The following MARCHF8 variants were observed in gnomAD, a reference collection of about 807,000 sequenced individuals.
MARCHF8 encodes E3 ubiquitin-protein ligase MARCHF8.
Under a neutral mutation model 51.6 loss-of-function variants are expected in MARCHF8, and 40 were observed. That is an observed-to-expected ratio of 0.77 (90% CI 0.60 to 1.01). The LOEUF (loss-of-function observed/expected upper bound fraction) is 1.01, where lower values mean the gene tolerates loss of function less well. Ranked by LOEUF, MARCHF8 falls within the 50% of genes least tolerant of loss-of-function variation. The pLI, the probability that MARCHF8 is intolerant of heterozygous loss-of-function variation, is 0.00. For missense variants in MARCHF8, 685 were observed against 708.6 expected (o/e 0.97, Z 0.38); for synonymous variants, 263 against 280.3 (o/e 0.94, Z 0.62).
intron 3 of MARCHF8, among the ~76,000 whole-genome samples, chr10:45,479,934 A>G (rs1359308504): frequency 6.6e-6 from 1 of 152,212 alleles, no homozygotes; most frequent in Non-Finnish European, 1.5e-5. Flanking sequence ...AGAAGAAGAC[A>G]GGAAAATGTG....
intron 2 of MARCHF8, among the ~76,000 whole-genome samples, chr10:45,502,954 T>C (rs2043308113): frequency 6.6e-6 from 1 of 152,068 alleles, no homozygotes; most frequent in Non-Finnish European, 1.5e-5. Context: ...AATAATACAT[T>C]CTATGAGGGG....
In MARCHF8 at chr10:45,582,573, G is replaced by A. The variant is rs138906323; in HGVS notation, c.-79+11662C>T. Among the ~76,000 whole-genome samples, 914 of 152,312 alleles carry A rather than the reference G, an allele frequency of 6.0e-3. 10 individuals are homozygous for A. Among genetic ancestry groups the A allele is most frequent in the African/African-American group, 0.021 (857 of 41,562 alleles). On this transcript the variant is annotated intron_variant, in intron 1 of 6. Transcript: ENST00000319836. ...CAAACCCAATCCCATTTTTATAAAT[G>A]AGTAAACAAGGCAGAGAGAGGTGAG...
Position 45,533,248 on chromosome 10 carries a change from G to C in MARCHF8, c.-37C>G, listed in dbSNP as rs774055028. On this transcript the variant is annotated 5_prime_UTR_variant, in exon 2 of 8. Coordinates refer to ENST00000453424, the MANE Select transcript of MARCHF8 (RefSeq NM_001282866.2). ...ATCTGGTCGTCTTCTTCACAGAAGA[G>C]AGTCTCCACTGGTAGAGTCATTTTG... 1.6e-5 allele frequency: 25 copies of C among 1,582,620 alleles called. No homozygotes were observed. Among genetic ancestry groups the C allele is most frequent in the Non-Finnish European group, 2.1e-5 (25 of 1,169,204 alleles).
intron 2 of MARCHF8, among the ~76,000 whole-genome samples, chr10:45,519,464 T>C (rs925246827): frequency 6.6e-6 from 1 of 152,206 alleles, no homozygotes; most frequent in African/African-American, 2.4e-5. Context: ...CAGCAAACTT[T>C]TTCTGTAAAG....
intron 3 of MARCHF8, among the ~76,000 whole-genome samples, chr10:45,485,742 GAAGCATA>G (rs1451885307): frequency 6.6e-6 from 1 of 152,212 alleles, no homozygotes; most frequent in African/African-American, 2.4e-5. Flanking sequence ...GTGAACTGCA[GAAGCATA>G]AAGCAGACTG....
At chr10:45,556,057 T>C (rs960457529) in intron 1 of MARCHF8, among the ~76,000 whole-genome samples, 4 of 152,156 alleles carry the variant, frequency 2.6e-5, no homozygotes, top group African/African-American at 9.7e-5. Flanking sequence ...GAATAAGTGG[T>C]CACTACTGTT....
intron 1 of MARCHF8, among the ~76,000 whole-genome samples, chr10:45,564,931 C>T (rs188135967): frequency 2.2e-4 from 13 of 59,412 alleles, no homozygotes; most frequent in Admixed American, 3.8e-4. Flanking sequence ...GTCTGATAAA[C>T]AAAAACTAAG....
At chr10:45,476,748 A>C (rs1326406214) in intron 3 of MARCHF8, among the ~76,000 whole-genome samples, 1 of 152,244 alleles carries the variant, frequency 6.6e-6, no homozygotes, top group African/African-American at 2.4e-5. Flanking sequence ...AAATAGATCA[A>C]GTAGAAGAAA....
intron 1 of MARCHF8, among the ~76,000 whole-genome samples, chr10:45,551,852 C>CACACAG: frequency 6.6e-6 from 1 of 152,192 alleles, no homozygotes; most frequent in East Asian, 1.9e-4. Flanking sequence ...CACACACACA[C>CACACAG]ACACACACAC....
chr10:45,495,211 A>T (rs1223576384), intron 2 of MARCHF8, among the ~76,000 whole-genome samples: 1 of 152,162 alleles, frequency 6.6e-6, no homozygotes, highest in Non-Finnish European at 1.5e-5. Flanking sequence ...AATATTAGAC[A>T]TTAAAACTGA....
At chr10:45,558,463 C>T (rs367814935) in intron 1 of MARCHF8, among the ~76,000 whole-genome samples, 2 of 152,204 alleles carry the variant, frequency 1.3e-5, no homozygotes, top group East Asian at 3.8e-4. Context: ...AAATTAAAGG[C>T]ATTCTCAAAA....
At chr10:45,587,930 C>T (rs1013254564) in intron 1 of MARCHF8, among the ~76,000 whole-genome samples, 4 of 151,778 alleles carry the variant, frequency 2.6e-5, no homozygotes, top group Admixed American at 2.0e-4. Flanking sequence ...AAGGCCTCCT[C>T]GGACAAAAAA....
Position 45,458,382 on chromosome 10 carries a change from T to C in MARCHF8, c.1579A>G (p.Ser527Gly). The change falls in exon 8 of 8, where the codon AGC becomes GGC. Residue 527 changes from serine to glycine, a missense_variant. Coordinates refer to ENST00000453424, the MANE Select transcript of MARCHF8 (RefSeq NM_001282866.2). Reference sequence around the variant, plus strand: ...GATTTTTCAAAAATATTCTTTTTGCTTGTTTCTGGACAGTTTTGAACATAG... The same window carrying C: ...GATTTTTCAAAAATATTCTTTTTGCCTGTTTCTGGACAGTTTTGAACATAG... ...VIYVQNCPET[S>G]KKNIFEKSPL... 1.2e-6 allele frequency: 2 copies of C among 1,614,222 alleles called. No individual in the cohort carries two copies. The highest frequency in any genetic ancestry group is 1.7e-6 in the Non-Finnish European group (2 of 1,180,042).
intron 1 of MARCHF8, among the ~76,000 whole-genome samples, chr10:45,583,063 A>C (rs777183200): frequency 7.2e-5 from 11 of 152,228 alleles, no homozygotes; most frequent in Non-Finnish European, 1.6e-4. Context: ...GTGGAATAAA[A>C]TGTTTAGAAA....
Position 45,458,339 on chromosome 10 carries a change from T to C in MARCHF8, c.1622A>G (p.Asn541Ser), listed in dbSNP as rs1360917562. ...TCCATATCCATGTTTATTTTCAAAG[T>C]TGGGCTCTGTTAGTGGAGATTTTTC... ...IFEKSPLTEP[N>S]FENKHGYGIC... The change falls in exon 8 of 8, where the codon AAC becomes AGC. Residue 541 changes from asparagine to serine, a missense_variant. Asn to Ser is a conservative substitution (Grantham distance 46). Transcript: ENST00000453424. 2 of 1,614,198 alleles carry C rather than the reference T, an allele frequency of 1.2e-6. No homozygotes were observed. The highest frequency in any genetic ancestry group is 1.1e-5 in the South Asian group (1 of 91,090).
intron 1 of MARCHF8, among the ~76,000 whole-genome samples, chr10:45,585,188 G>A (rs1474450913): frequency 2.0e-5 from 3 of 152,162 alleles, no homozygotes; most frequent in Non-Finnish European, 4.4e-5. Flanking sequence ...ACTACTTCTA[G>A]AAAAGTTGAA....
intron 3 of MARCHF8, 30 bp from the exon 4 acceptor site, chr10:45,464,357 A>C (rs1274275052): frequency 6.3e-7 from 1 of 1,593,300 alleles, no homozygotes; most frequent in Non-Finnish European, 8.6e-7. Context: ...GTCAGTGTTC[A>C]GGTAAGAGCC....
intron 2 of MARCHF8, among the ~76,000 whole-genome samples, chr10:45,518,316 G>A (rs1350115057): frequency 6.6e-6 from 1 of 152,186 alleles, no homozygotes; most frequent in East Asian, 1.9e-4. Context: ...CATCAGTACA[G>A]AAAAGAGAGC....
chr10:45,463,952 T>G lies in MARCHF8; in HGVS notation c.287A>C (p.Gln96Pro). ...FSECCHHSSV[Q>P]SAVVSKAPHC... ...AGGAGCTTTCGAGACAACAGCAGAC[T>G]GCACGGAACTGTGGTGACAACACTC... Residue 96 changes from glutamine to proline, a missense_variant, in exon 5 of 8, where the codon CAG becomes CCG. Coordinates refer to ENST00000453424, the MANE Select transcript of MARCHF8 (RefSeq NM_001282866.2). 1 of 1,536,138 alleles carries G rather than the reference T, an allele frequency of 6.5e-7. No homozygotes were observed.
Sources: allele counts gnomAD v4.1 joint callset (sites outside exome capture counted in the v4.1 genomes callset), GRCh38; gene constraint gnomAD v4.1.1; transcripts MANE v1.5; gene names NCBI Gene and HGNC (gene_info 2026-07-23, HGNC 2026-07-21).